ELOVL5: variants seen among roughly 807,000 people sequenced by gnomAD.
ELOVL5 encodes the protein ELOVL fatty acid elongase 5.
A neutral mutation model predicts 38.6 loss-of-function variants in ELOVL5; 8 were observed. The observed-to-expected ratio is 0.21, with a 90% CI of 0.12 to 0.37. ELOVL5 has a LOEUF of 0.37. Ranked by LOEUF, ELOVL5 falls within the 10% of genes least tolerant of loss-of-function variation. The probability of loss-of-function intolerance (pLI) is 1.00; values close to 1 mark genes in which losing one functional copy is unlikely to be tolerated. For missense variants in ELOVL5, 280 were observed against 367.8 expected, an observed-to-expected ratio of 0.76 and a Z score of 1.95; for synonymous variants, 127 against 133.7, an observed-to-expected ratio of 0.95 and a Z score of 0.34.
chr6:53,285,871 G>A (rs1208569441), intron 3 of ELOVL5, among the ~76,000 whole-genome samples: 1 of 152,150 alleles, frequency 6.6e-6, no homozygotes, highest in Non-Finnish European at 1.5e-5. Context: ...CTCTCAAAGT[G>A]CTAGGATTAC....
At chr6:53,324,455 C>T (rs192694772) in intron 1 of ELOVL5, among the ~76,000 whole-genome samples, 346 of 151,786 alleles carry the variant, frequency 2.3e-3, no homozygotes, top group Non-Finnish European at 4.3e-3. Context: ...ACAGGCAGAT[C>T]GTTTGAGCCC....
At chr6:53,331,975 T>C (rs906039677) in intron 1 of ELOVL5, among the ~76,000 whole-genome samples, 1 of 151,950 alleles carries the variant, frequency 6.6e-6, no homozygotes, top group Non-Finnish European at 1.5e-5. Context: ...TGTCACATGG[T>C]GAGAGAGGAA....
chr6:53,330,003 TAAA>T (rs1337743292), intron 1 of ELOVL5, among the ~76,000 whole-genome samples: 1 of 152,148 alleles, frequency 6.6e-6, no homozygotes, highest in African/African-American at 2.4e-5. Context: ...ACTTTAAAAA[TAAA>T]GAACTTCTAC....
intron 3 of ELOVL5, among the ~76,000 whole-genome samples, chr6:53,280,325 C>A (rs1766303397): frequency 1.3e-5 from 2 of 152,172 alleles, no homozygotes; most frequent in Non-Finnish European, 2.9e-5. Flanking sequence ...CCAAGAACCA[C>A]CCAGGGGCAT....
intron 1 of ELOVL5, among the ~76,000 whole-genome samples, chr6:53,321,132 G>A (rs772139413): frequency 6.6e-5 from 10 of 152,170 alleles, no homozygotes; most frequent in Admixed American, 1.3e-4. Context: ...TCTTCCTTAC[G>A]TAAGATGTTC....
intron 1 of ELOVL5, among the ~76,000 whole-genome samples, chr6:53,315,256 A>G (rs1767983283): frequency 6.6e-6 from 1 of 152,106 alleles, no homozygotes; most frequent in Admixed American, 6.5e-5. Flanking sequence ...CTCCTATAAA[A>G]ATACTGATCC....
intron 6 of ELOVL5, among the ~76,000 whole-genome samples, chr6:53,272,476 A>G (rs1437406504): frequency 3.3e-5 from 5 of 152,200 alleles, no homozygotes; most frequent in Non-Finnish European, 5.9e-5. Context: ...GGAACAATCT[A>G]TGTAAAATCA....
intron 3 of ELOVL5, among the ~76,000 whole-genome samples, chr6:53,276,500 A>G (rs756439076): frequency 3.9e-5 from 6 of 152,150 alleles, no homozygotes; most frequent in Non-Finnish European, 8.8e-5. Context: ...ACCTTCCTTT[A>G]CCACGCTGCT....
intron 1 of ELOVL5, among the ~76,000 whole-genome samples, chr6:53,323,069 G>C (rs1011934011): frequency 7.9e-5 from 12 of 152,144 alleles, no homozygotes; most frequent in Non-Finnish European, 1.3e-4. Context: ...TACCGAGCCT[G>C]CACTTGTTGG....
chr6:53,294,403 T>G, intron 2 of ELOVL5: 1 of 1,552,204 alleles, frequency 6.4e-7, no homozygotes, highest in Non-Finnish European at 8.7e-7. Flanking sequence ...TTTTTTCTTC[T>G]TCCTCTGAAT....
chr6:53,305,127 A>G (rs551123502), intron 1 of ELOVL5, among the ~76,000 whole-genome samples: 37 of 124,702 alleles, frequency 3.0e-4, no homozygotes, highest in African/African-American at 7.8e-4. Flanking sequence ...CCTCCCTCCC[A>G]GACGGGGCGG....
intron 1 of ELOVL5, among the ~76,000 whole-genome samples, chr6:53,310,285 T>G (rs1767777184): frequency 6.6e-6 from 1 of 152,234 alleles, no homozygotes; most frequent in African/African-American, 2.4e-5. Context: ...TAACATTTAC[T>G]AAGAGCCTAC....
chr6:53,295,774 T>A, intron 1 of ELOVL5, 67 bp from the exon 2 acceptor site: 4 of 980,846 alleles, frequency 4.1e-6, no homozygotes, highest in East Asian at 2.8e-5. Context: ...TATTTTTTCA[T>A]AAAAGAATAA....
At chr6:53,282,507 C>T (rs1027382808) in intron 3 of ELOVL5, among the ~76,000 whole-genome samples, 1 of 152,238 alleles carries the variant, frequency 6.6e-6, no homozygotes, top group African/African-American at 2.4e-5. Context: ...TCTCCATTCT[C>T]CCTACCGTGA....
Position 53,269,065 on chromosome 6 carries a change from G to T in ELOVL5, c.*62C>A. ...ACAGCAGCTGTTAACGAGCATTGGG[G>T]CACAACTCATATTGTGCTTACAATC... is the stretch of plus-strand genomic sequence containing the variant. On this transcript the variant is annotated 3_prime_UTR_variant, in exon 8 of 8. Coordinates refer to ENST00000304434, the MANE Select transcript of ELOVL5 (RefSeq NM_021814.5). The T allele has an allele frequency of 6.3e-7, 1 of 1,577,954 alleles. No homozygotes were observed. The highest frequency in any genetic ancestry group is 8.6e-7 in the Non-Finnish European group (1 of 1,158,714).
chr6:53,307,803 T>C (rs945365278), intron 1 of ELOVL5, among the ~76,000 whole-genome samples: 5 of 152,178 alleles, frequency 3.3e-5, no homozygotes, highest in Non-Finnish European at 5.9e-5. Context: ...GAAATAAATC[T>C]GCATCTGATA....
chr6:53,340,516 C>G (rs1044054417), intron 1 of ELOVL5, among the ~76,000 whole-genome samples: 4 of 152,198 alleles, frequency 2.6e-5, no homozygotes, highest in Non-Finnish European at 5.9e-5. Context: ...AACTTCCAGT[C>G]CTGCAAGCTC....
intron 1 of ELOVL5, among the ~76,000 whole-genome samples, chr6:53,312,232 T>C (rs10948745): frequency 0.36 from 55,277 of 152,070 alleles, 11,160 homozygotes; most frequent in African/African-American, 0.55. Flanking sequence ...TTTATGTTCA[T>C]ATAAAAACCT....
chr6:53,288,033 A>G (rs543732589), intron 3 of ELOVL5: 32 of 1,088,866 alleles, frequency 2.9e-5, no homozygotes, highest in African/African-American at 1.2e-4. Flanking sequence ...ATGGCTTCAC[A>G]TGAGGACAGA....
Sources: gnomAD v4.1 joint callset for allele counts (sites outside exome capture counted in the v4.1 genomes callset) on GRCh38, gnomAD v4.1.1 for gene constraint, MANE v1.5 for transcripts, NCBI Gene and HGNC (gene_info 2026-07-23, HGNC 2026-07-21) for gene names.